Variants in RBFOX1 observed in about 807,000 individuals in gnomAD.
The protein encoded by RBFOX1 is RNA binding protein fox-1 homolog 1.
Under a neutral mutation model 57.7 loss-of-function variants are expected in RBFOX1, and 8 were observed. The observed-to-expected ratio is 0.14, with a 90% CI of 0.08 to 0.25. The LOEUF is 0.25. RBFOX1 is among the 10% of genes least tolerant of loss of function. RBFOX1 has a pLI of 1.00. For synonymous variants in RBFOX1, 326 were observed against 222.4 expected, an observed-to-expected ratio of 1.47 and a Z score of -4.15; for missense variants, 611 against 548.5, an observed-to-expected ratio of 1.11 and a Z score of -1.14.
At chr16:5,933,285 C>T (rs1001603119) in intron 4 of RBFOX1, among the ~76,000 whole-genome samples, 1 of 152,154 alleles carries the variant, frequency 6.6e-6, no homozygotes, top group Non-Finnish European at 1.5e-5. Flanking sequence ...GAAAAAGCAC[C>T]AAACCAAGTC....
At chr16:5,680,460 T>C (rs1007066180) in intron 3 of RBFOX1, among the ~76,000 whole-genome samples, 1 of 152,224 alleles carries the variant, frequency 6.6e-6, no homozygotes, top group African/African-American at 2.4e-5. Flanking sequence ...CTGGAATTGC[T>C]CTTCCTCTTT....
intron 2 of RBFOX1, among the ~76,000 whole-genome samples, chr16:6,615,630 C>T (rs977863233): frequency 3.3e-5 from 5 of 152,084 alleles, no homozygotes; most frequent in African/African-American, 1.2e-4. Context: ...CTCATTTCCT[C>T]AAAATAAAGA....
At chr16:7,548,193 CAGAG>C (rs1271975235) in intron 5 of RBFOX1, among the ~76,000 whole-genome samples, 2 of 152,160 alleles carry the variant, frequency 1.3e-5, no homozygotes, top group East Asian at 1.9e-4. Context: ...ACTTTTGAGA[CAGAG>C]AGTCCCATCT....
intron 10 of RBFOX1, 56 bp downstream of exon 10, chr16:7,607,394 CT>C: frequency 6.7e-7 from 1 of 1,495,758 alleles, no homozygotes; most frequent in Non-Finnish European, 9.2e-7. Context: ...TGTGCTTTGC[CT>C]GCCAAGAATG....
At chr16:7,511,212 G>A (rs1037029514) in intron 4 of RBFOX1, among the ~76,000 whole-genome samples, 1 of 152,182 alleles carries the variant, frequency 6.6e-6, no homozygotes, top group African/African-American at 2.4e-5. Flanking sequence ...TTCTTTTTCA[G>A]TTGAAATACG....
At chr16:7,371,767 A>G (rs912926995) in intron 4 of RBFOX1, among the ~76,000 whole-genome samples, 2 of 152,146 alleles carry the variant, frequency 1.3e-5, no homozygotes, top group Admixed American at 6.5e-5. Context: ...AGAAAAAAAG[A>G]TATGTAGATA....
At chr16:5,454,870 CTTTCTTT>C (rs2068548780) in intron 1 of RBFOX1, among the ~76,000 whole-genome samples, 1 of 55,048 alleles carries the variant, frequency 1.8e-5, no homozygotes, top group African/African-American at 6.1e-5. Context: ...TTCTTTCTTT[CTTTCTTT>C]CTTTCTTTCT....
At chr16:5,398,808 C>T (rs539684239) in intron 1 of RBFOX1, among the ~76,000 whole-genome samples, 22 of 152,190 alleles carry the variant, frequency 1.4e-4, no homozygotes, top group African/African-American at 5.3e-4. Context: ...GGAAACCCTG[C>T]GCTCATTTCA....
chr16:6,459,903 G>C (rs1169064128), intron 2 of RBFOX1, among the ~76,000 whole-genome samples: 2 of 145,830 alleles, frequency 1.4e-5, no homozygotes, highest in Non-Finnish European at 3.0e-5. Context: ...AGAATAGCTT[G>C]AACCTGAGAG....
intron 2 of RBFOX1, among the ~76,000 whole-genome samples, chr16:6,435,736 C>T (rs1419195390): frequency 6.6e-6 from 1 of 152,128 alleles, no homozygotes; most frequent in African/African-American, 2.4e-5. Context: ...ATAATGTTTG[C>T]AAGATTTTAT....
intron 10 of RBFOX1, among the ~76,000 whole-genome samples, chr16:7,627,406 T>C (rs116823322): frequency 5.8e-4 from 88 of 152,272 alleles, no homozygotes; most frequent in African/African-American, 2.0e-3. Context: ...GTGGTATAAA[T>C]TGACCCCATT....
At chr16:7,036,346 C>G (rs1275679892) in intron 3 of RBFOX1, among the ~76,000 whole-genome samples, 1 of 152,078 alleles carries the variant, frequency 6.6e-6, no homozygotes, top group East Asian at 1.9e-4. Context: ...TCTTGGTTTT[C>G]TACCGCTGTG....
At chr16:6,891,128 T>C (rs1271630015) in intron 3 of RBFOX1, among the ~76,000 whole-genome samples, 1 of 152,188 alleles carries the variant, frequency 6.6e-6, no homozygotes. Flanking sequence ...TTAGTGACTT[T>C]CAGTTAAAGC....
chr16:6,994,786 C>A (rs566251405), intron 3 of RBFOX1, among the ~76,000 whole-genome samples: 8 of 152,048 alleles, frequency 5.3e-5, no homozygotes, highest in African/African-American at 1.7e-4. Context: ...TATATGTTAC[C>A]GACCAAATTG....
chr16:7,183,534 C>T (rs1368759209), intron 4 of RBFOX1, among the ~76,000 whole-genome samples: 1 of 152,148 alleles, frequency 6.6e-6, no homozygotes, highest in Non-Finnish European at 1.5e-5. Context: ...TTTACTTTGT[C>T]AATAGTTCTG....
chr16:5,885,179 G>A (rs971292084), intron 4 of RBFOX1, among the ~76,000 whole-genome samples: 4 of 152,074 alleles, frequency 2.6e-5, no homozygotes, highest in African/African-American at 9.7e-5. Flanking sequence ...CGCTGTTGCA[G>A]GTTTCCTGTC....
At chr16:6,814,817 T>C (rs930035006) in intron 3 of RBFOX1, among the ~76,000 whole-genome samples, 4 of 152,112 alleles carry the variant, frequency 2.6e-5, no homozygotes, top group African/African-American at 9.7e-5. Context: ...GTTTATGTCC[T>C]GTGAGTGTTT....
intron 3 of RBFOX1, among the ~76,000 whole-genome samples, chr16:6,986,772 C>T (rs975792489): frequency 5.3e-5 from 8 of 152,216 alleles, no homozygotes; most frequent in Non-Finnish European, 5.9e-5. Context: ...CAGTTGCCTC[C>T]TCCACTTGCC....
At chr16:5,419,275 C>CA (rs2067245536) in intron 1 of RBFOX1, among the ~76,000 whole-genome samples, 1 of 152,136 alleles carries the variant, frequency 6.6e-6, no homozygotes, top group Non-Finnish European at 1.5e-5. Context: ...AGGCCGTCTA[C>CA]AAGCTGAGGA....
Sources: gnomAD v4.1 joint callset for allele counts (sites outside exome capture counted in the v4.1 genomes callset) on GRCh38, gnomAD v4.1.1 for gene constraint, MANE v1.5 for transcripts, NCBI Gene and HGNC (gene_info 2026-07-23, HGNC 2026-07-21) for gene names.